PRKAG2: variants seen among roughly 807,000 people sequenced by gnomAD.
PRKAG2 encodes protein kinase AMP-activated non-catalytic subunit gamma 2, also known as 5'-AMP-activated protein kinase subunit gamma-2.
A neutral mutation model predicts 69.6 loss-of-function variants in PRKAG2; 26 were observed. That is an observed-to-expected ratio of 0.37 (90% confidence interval 0.27 to 0.52). PRKAG2 has a LOEUF of 0.52. Among genes scored for constraint, PRKAG2 ranks in the 20% least tolerant of loss-of-function variants. PRKAG2 has a pLI of 0.90. For missense variants in PRKAG2, 557 were observed against 740.0 expected (o/e 0.75, Z 2.87); for synonymous variants, 293 against 285.0 (o/e 1.03, Z -0.28).
chr7:151,583,416 T>A lies in PRKAG2; in HGVS notation c.865-6964A>T, dbSNP rs1250682594. 2.0e-5 allele frequency among the ~76,000 whole-genome samples: 3 copies of A among 152,234 alleles called. No individual in the cohort carries two copies. The highest frequency in any genetic ancestry group is 4.4e-5 in the Non-Finnish European group (3 of 68,038). On this transcript the variant is annotated intron_variant, in intron 6 of 15. Transcript: ENST00000287878. This position sits in a 1 kb window ranked among gnomAD's most constrained non-coding sequence, Gnocchi z 4.1. ...ATATTCCAAACGGACATGATACTCG[T>A]ACAATGCATTAAAGAGCAGTGTCCT...
chr7:151,851,648 AC>A (rs944232100), intron 1 of PRKAG2, among the ~76,000 whole-genome samples: 6 of 151,984 alleles, frequency 3.9e-5, no homozygotes, highest in Non-Finnish European at 8.8e-5. Context: ...TTAACCACTA[AC>A]CCCTGGCACC....
At chr7:151,816,946 G>GT (rs1439253327) in intron 1 of PRKAG2, among the ~76,000 whole-genome samples, 2 of 152,150 alleles carry the variant, frequency 1.3e-5, no homozygotes, top group African/African-American at 4.8e-5. Context: ...GGAGACCAGC[G>GT]TTTGAGAGTG....
intron 4 of PRKAG2, among the ~76,000 whole-genome samples, chr7:151,667,306 G>A (rs569358778): frequency 1.3e-4 from 20 of 152,294 alleles, no homozygotes; most frequent in Non-Finnish European, 2.4e-4. Flanking sequence ...TCTTCTTAGA[G>A]TTTGTATCTG....
At chr7:151,604,675 A>G (rs1002121193) in intron 5 of PRKAG2, among the ~76,000 whole-genome samples, 1 of 152,136 alleles carries the variant, frequency 6.6e-6, no homozygotes, top group South Asian at 2.1e-4. Context: ...CACCCCAACA[A>G]TGTATTAACA....
At position 151,618,453 on chromosome 7, in the gene PRKAG2, C is replaced by CAAAATAAAATAAAATAAAAT. The variant is rs540092141; in HGVS notation, c.754+13596_754+13615dup. On this transcript the variant is annotated intron_variant, in intron 5 of 15. Transcript: ENST00000287878. ...GGGCAATAAGAGCAAGACTCCGTCTCAAAATAAAATAAAATAAAATAAAAT... is the reference window on the plus strand; with the variant it reads ...GGGCAATAAGAGCAAGACTCCGTCTCAAAATAAAATAAAATAAAATAAAATAAAATAAAATAAAATAAAAT... Among the ~76,000 whole-genome samples, 350 of 148,666 alleles carry CAAAATAAAATAAAATAAAAT rather than the reference C, an allele frequency of 2.4e-3. 2 individuals carry two copies. Among genetic ancestry groups the CAAAATAAAATAAAATAAAAT allele is most frequent in the African/African-American group, 8.6e-3 (344 of 40,002 alleles).
chr7:151,681,102 T>G (rs1448227715), intron 3 of PRKAG2, among the ~76,000 whole-genome samples: 1 of 152,152 alleles, frequency 6.6e-6, no homozygotes, highest in African/African-American at 2.4e-5. Context: ...GCTCCTCCCA[T>G]GGCCCTGTCC....
intron 1 of PRKAG2, among the ~76,000 whole-genome samples, chr7:151,864,899 C>T (rs2080022804): frequency 6.6e-6 from 1 of 151,932 alleles, no homozygotes; most frequent in South Asian, 2.1e-4. Context: ...AGGCTCCAGC[C>T]CTCTTTTTCA....
At chr7:151,568,606 T>G (rs1806823193) in intron 11 of PRKAG2, 110 bp downstream of exon 11, 2 of 1,263,204 alleles carry the variant, frequency 1.6e-6, no homozygotes, top group Non-Finnish European at 2.2e-6. Flanking sequence ...AAGGGAGACC[T>G]CAAAACTAAC....
At chr7:151,806,049 C>T (rs1049178475) in intron 1 of PRKAG2, among the ~76,000 whole-genome samples, 1 of 152,268 alleles carries the variant, frequency 6.6e-6, no homozygotes, top group East Asian at 1.9e-4. Context: ...ATTAGCTGGG[C>T]GTGGTGGTGG....
intron 3 of PRKAG2, among the ~76,000 whole-genome samples, chr7:151,744,005 G>A (rs1204074063): frequency 6.6e-6 from 1 of 152,216 alleles, no homozygotes; most frequent in Non-Finnish European, 1.5e-5. Context: ...CAGCAGAGCT[G>A]GGGGCGAGAG....
intron 1 of PRKAG2, among the ~76,000 whole-genome samples, chr7:151,856,614 C>T (rs566756551): frequency 2.6e-5 from 4 of 152,352 alleles, no homozygotes; most frequent in African/African-American, 9.6e-5. Context: ...TAGGAACAGG[C>T]AGAGTTGCTG....
At chr7:151,631,850 C>T (rs1443488890) in intron 5 of PRKAG2, 3 of 497,220 alleles carry the variant, frequency 6.0e-6, no homozygotes, top group Non-Finnish European at 1.1e-5. Context: ...CTCTGGGAGC[C>T]TGGCTCGCGT....
chr7:151,833,096 G>A (rs1166309449), intron 1 of PRKAG2, among the ~76,000 whole-genome samples: 3 of 152,236 alleles, frequency 2.0e-5, no homozygotes, highest in East Asian at 3.8e-4. Flanking sequence ...CAGTGGAGAG[G>A]CGCATGTCAA....
In PRKAG2 at chr7:151,570,237, G is replaced by T. The variant is rs957043389; in HGVS notation, c.1052-12C>A. On this transcript the variant is annotated splice_polypyrimidine_tract_variant and intron_variant, in intron 9 of 15. Coordinates refer to ENST00000287878, the MANE Select transcript of PRKAG2 (RefSeq NM_016203.4). The stretch of plus-strand genomic sequence containing the variant: ...TTGTAAATAAAGCTCTGTATTTATA[G>T]AAAGAAAATATGCAGTTAGTAACAC... The T allele has an allele frequency of 1.3e-6, 2 of 1,599,052 alleles. No individual in the cohort carries two copies. Among genetic ancestry groups the T allele is most frequent in the African/African-American group, 1.3e-5 (1 of 74,556 alleles).
In PRKAG2 at chr7:151,807,078, G is replaced by C. The variant is rs936613848; in HGVS notation, c.115-20537C>G. 2.3e-6 allele frequency: 1 copy of C among 425,960 alleles called. No individual in the cohort carries two copies. The highest frequency in any genetic ancestry group is 7.0e-5 in the East Asian group (1 of 14,284). 26.4% of individuals were successfully genotyped at this position (425,960 alleles called of 1,614,324 possible). On this transcript the variant is annotated intron_variant, in intron 1 of 15. Coordinates refer to ENST00000287878, the MANE Select transcript of PRKAG2 (RefSeq NM_016203.4). The surrounding 1 kb of genome is among the most constrained non-coding windows in gnomAD (Gnocchi z 4.4). ...CCCTCAAGTCTGAAGGTGGAGGTGG[G>C]GAAGGGCAGAGGCTGTAAAGGGTCA...
intron 3 of PRKAG2, among the ~76,000 whole-genome samples, chr7:151,676,392 AG>A (rs1237390449): frequency 3.3e-5 from 5 of 152,150 alleles, no homozygotes; most frequent in African/African-American, 1.2e-4. Flanking sequence ...CTTCAGGGAA[AG>A]GGTGGGACTG....
chr7:151,595,451 A>G lies in PRKAG2; in HGVS notation c.758T>C (p.Val253Ala), dbSNP rs754530402. The change falls in exon 6 of 16, where the codon GTA becomes GCA. Residue 253 changes from valine (V) to alanine (A), a missense_variant. Val to Ala is a moderately conservative substitution (Grantham distance 64). This residue lies in a region of PRKAG2 where 352 missense variants were observed against 356.7 expected (regional missense o/e 0.99). Transcript: ENST00000287878. ...LEKLEFEDEA[V>A]EDSESGVYMR... Reference sequence around the variant, plus strand: ...GTAAACACCACTTTCTGAGTCTTCTACTGCTAAAAGAAAAAAAGGCAAAAC... The same window carrying G: ...GTAAACACCACTTTCTGAGTCTTCTGCTGCTAAAAGAAAAAAAGGCAAAAC... 3.7e-6 allele frequency: 6 copies of G among 1,612,060 alleles called. No individual in the cohort carries two copies. The highest frequency in any genetic ancestry group is 2.5e-6 in the Non-Finnish European group (3 of 1,178,378).
chr7:151,791,661 G>A (rs1229020310), intron 1 of PRKAG2, among the ~76,000 whole-genome samples: 2 of 152,242 alleles, frequency 1.3e-5, no homozygotes, highest in African/African-American at 4.8e-5. Context: ...AAAGTCACCT[G>A]TCAGAAAAGC....
chr7:151,841,513 TGATGGTAGG>T lies in PRKAG2; in HGVS notation c.114+34985_114+34993del, dbSNP rs376083668. ...TAGTGATGGTAGGTTGGGATGGTAG[TGATGGTAGG>T]GATGGTAGGGATGGTAGTGATAGTA... is the stretch of plus-strand genomic sequence containing the variant. On this transcript the variant is annotated intron_variant, in intron 1 of 15. Coordinates refer to ENST00000287878, the MANE Select transcript of PRKAG2 (RefSeq NM_016203.4). Among the ~76,000 whole-genome samples, 142 of 141,478 alleles carry T rather than the reference TGATGGTAGG, an allele frequency of 1.0e-3. No individual in the cohort carries two copies. In the Middle Eastern group the frequency reaches 0.027, roughly 27 times the overall value. The allele number at this position is 141,478 out of a possible 152,430, so 92.8% of individuals were successfully genotyped here.
Sources: allele counts gnomAD v4.1 joint callset (sites outside exome capture counted in the v4.1 genomes callset), GRCh38; gene constraint gnomAD v4.1.1; regional missense constraint gnomAD v4.1.1; non-coding constraint Gnocchi (gnomAD v3.1); transcripts MANE v1.5; gene names NCBI Gene and HGNC (gene_info 2026-07-23, HGNC 2026-07-21).